The following PCDHGA2 variants were observed in gnomAD, a reference collection of about 807,000 sequenced individuals.
The protein encoded by PCDHGA2 is protocadherin gamma-A2.
Under a neutral mutation model 59.2 loss-of-function variants are expected in PCDHGA2, and 40 were observed. The ratio of observed to expected loss-of-function variants is 0.68; its 90% CI spans 0.52 to 0.88. PCDHGA2 has a LOEUF of 0.88. Ranked by LOEUF, PCDHGA2 falls within the 40% of genes least tolerant of loss-of-function variation. PCDHGA2 has a pLI of 0.00. For synonymous variants in PCDHGA2, 560 were observed against 526.0 expected (o/e 1.06, Z -0.89); for missense variants, 1,226 against 1,204.0 (o/e 1.02, Z -0.27).
intron 1 of PCDHGA2, chr5:141,376,339 C>G: frequency 6.2e-7 from 1 of 1,614,192 alleles, no homozygotes; most frequent in Non-Finnish European, 8.5e-7. Flanking sequence ...TCCTGCAGAC[C>G]TATTCCCACG....
rs11575954 is a variant in PCDHGA2 at position 141,376,006 on chromosome 5, C to T, written c.2424+34611C>T. The T allele has an allele frequency of 4.7e-3, 7,621 of 1,612,710 alleles. 42 individuals are homozygous for T. Among genetic ancestry groups the T allele is most frequent in the Admixed American group, 8.7e-3 (524 of 59,936 alleles). On this transcript the variant is annotated intron_variant, in intron 1 of 3. Transcript: ENST00000394576. ...TGGACAGAGACGCGCTCAAGCAGAG[C>T]CTAGTGGTGGCCGTCCAGGACCACG...
intron 1 of PCDHGA2, among the ~76,000 whole-genome samples, chr5:141,381,379 A>G (rs1777152339): frequency 6.6e-6 from 1 of 152,224 alleles, no homozygotes; most frequent in Non-Finnish European, 1.5e-5. Flanking sequence ...GGATCCATCA[A>G]TAATTTAGTT....
In PCDHGA2 at chr5:141,352,205, C is replaced by T. The variant is rs745707579; in HGVS notation, c.2424+10810C>T. On this transcript the variant is annotated intron_variant, in intron 1 of 3. Coordinates refer to ENST00000394576, the MANE Select transcript of PCDHGA2 (RefSeq NM_018915.4). ...CGCTGTGCGTGATGGAGGACAGCCG[C>T]CACTCTCCGCCACCGCCACGCTGCA... The T allele has an allele frequency of 1.9e-6, 3 of 1,614,044 alleles. No homozygotes were observed. The South Asian group carries it at 3.3e-5, about 18-fold the overall frequency.
At chr5:141,429,770 A>T (rs2097244120) in intron 1 of PCDHGA2, among the ~76,000 whole-genome samples, 1 of 152,122 alleles carries the variant, frequency 6.6e-6, no homozygotes, top group Admixed American at 6.6e-5. Context: ...CTATATTTTG[A>T]TGGGCTTCCA....
chr5:141,351,809 G>A, intron 1 of PCDHGA2: 1 of 1,613,290 alleles, frequency 6.2e-7, no homozygotes, highest in Non-Finnish European at 8.5e-7. Flanking sequence ...GCGCGCCTTC[G>A]ACCACGAGCA....
At chr5:141,430,448 G>T in intron 1 of PCDHGA2, 1 of 192,294 alleles carries the variant, frequency 5.2e-6, no homozygotes. Flanking sequence ...ATCCCCTTTT[G>T]AAGAACAGTA....
chr5:141,358,540 G>C (rs191289773), intron 1 of PCDHGA2, among the ~76,000 whole-genome samples: 1 of 152,152 alleles, frequency 6.6e-6, no homozygotes, highest in Admixed American at 6.5e-5. Context: ...ATATTTTCTT[G>C]TTGCTGTTCT....
intron 1 of PCDHGA2, chr5:141,372,469 T>C (rs772203261): frequency 6.2e-7 from 1 of 1,614,020 alleles, no homozygotes; most frequent in Non-Finnish European, 8.5e-7. Context: ...CAGTTTCACC[T>C]AGTAGTGGCG....
rs745435492 is a variant in PCDHGA2, at chr5:141,489,215, A to G, written c.2425-5592A>G. The G allele has an allele frequency of 4.1e-6, 6 of 1,475,362 alleles. No homozygotes were observed. Among genetic ancestry groups the G allele is most frequent in the Non-Finnish European group, 5.5e-6 (6 of 1,093,140 alleles). 91.4% of individuals were successfully genotyped at this position (1,475,362 alleles called of 1,614,324 possible). A position where few individuals can be genotyped will look rare whatever the true frequency, so the allele number is the denominator to read the frequency against. ...CTTGGAGACAGGACAGCACAGACTT[A>G]CTCTCCACAAAGGGACTTCTGGGTC... On this transcript the variant is annotated intron_variant, in intron 1 of 3. Coordinates refer to ENST00000394576, the MANE Select transcript of PCDHGA2 (RefSeq NM_018915.4). The surrounding 1 kb of genome is among the most constrained non-coding windows in gnomAD (Gnocchi z 4.5).
rs1360364370 is a variant in PCDHGA2, at chr5:141,491,814, G to A, written c.2425-2993G>A. 1 of 1,486,114 alleles carries A rather than the reference G, an allele frequency of 6.7e-7. No individual in the cohort carries two copies. The allele number at this position is 1,486,114 out of a possible 1,614,324, so 92.1% of individuals were successfully genotyped here. On this transcript the variant is annotated intron_variant, in intron 1 of 3. Transcript: ENST00000394576. This position sits in a 1 kb window ranked among gnomAD's most constrained non-coding sequence, Gnocchi z 6.9. ...TCCTCTCCGGCCGGCTTGGTCGCTGGCTGCGCTCCACCCGATTCTCGGGAT... is the reference window on the plus strand; with the variant it reads ...TCCTCTCCGGCCGGCTTGGTCGCTGACTGCGCTCCACCCGATTCTCGGGAT...
At chr5:141,427,923 C>T (rs2097089935) in intron 1 of PCDHGA2, 3 of 1,580,656 alleles carry the variant, frequency 1.9e-6, no homozygotes, top group African/African-American at 1.3e-5. Context: ...CATGAGCCGG[C>T]GCATGTTGGT....
rs935078369 is a variant in PCDHGA2 at position 141,351,524 on chromosome 5, G to A, written c.2424+10129G>A. 9.9e-6 allele frequency: 16 copies of A among 1,613,998 alleles called. No homozygotes were observed. The South Asian group carries it at 1.2e-4, about 12-fold the overall frequency. Reference sequence around the variant, plus strand: ...CTACAACGTCACAATCATAGCCACCGACAAGGGCAAACCAGCCCTTTCCTC... The same window carrying A: ...CTACAACGTCACAATCATAGCCACCAACAAGGGCAAACCAGCCCTTTCCTC... On this transcript the variant is annotated intron_variant, in intron 1 of 3. Coordinates refer to ENST00000394576, the MANE Select transcript of PCDHGA2 (RefSeq NM_018915.4).
chr5:141,480,730 G>A (rs1261461187), intron 1 of PCDHGA2, among the ~76,000 whole-genome samples: 1 of 152,168 alleles, frequency 6.6e-6, no homozygotes, highest in East Asian at 1.9e-4. Flanking sequence ...GTCTCTGGGG[G>A]TGGGACATAG....
rs1329649336 is a variant in PCDHGA2, at chr5:141,477,589, GCTTT to G, written c.2425-17207_2425-17204del. 2 of 1,614,130 alleles carry G rather than the reference GCTTT, an allele frequency of 1.2e-6. No homozygotes were observed. Among genetic ancestry groups the G allele is most frequent in the South Asian group, 1.1e-5 (1 of 91,086 alleles). ...ACCCCGACGCCCCGCAGAATGCTCGGCTTTCTTTCTTTCTCTTGGAGCAAGGAGC... is the reference window on the plus strand; with the variant it reads ...ACCCCGACGCCCCGCAGAATGCTCGGCTTTCTTTCTCTTGGAGCAAGGAGC... On this transcript the variant is annotated intron_variant, in intron 1 of 3. Coordinates refer to ENST00000394576, the MANE Select transcript of PCDHGA2 (RefSeq NM_018915.4). The surrounding 1 kb of genome is among the most constrained non-coding windows in gnomAD (Gnocchi z 4.9).
At chr5:141,478,765 C>T in intron 1 of PCDHGA2, 1 of 1,508,614 alleles carries the variant, frequency 6.6e-7, no homozygotes, top group Non-Finnish European at 8.9e-7. Context: ...AGATACTTGA[C>T]TCATCTGTGG....
At chr5:141,350,411 G>T (rs757842052) in intron 1 of PCDHGA2, 2 of 1,605,198 alleles carry the variant, frequency 1.2e-6, no homozygotes, top group East Asian at 2.2e-5. Flanking sequence ...ACTTGCCAAG[G>T]ATCTGGGGCT....
chr5:141,343,498 G>A (rs1757290408), intron 1 of PCDHGA2: 2 of 505,786 alleles, frequency 4.0e-6, no homozygotes, highest in Non-Finnish European at 5.1e-6. Flanking sequence ...TTTAATAGTT[G>A]TGTTGGTCCT....
At position 141,492,010 on chromosome 5, in the gene PCDHGA2, G is replaced by A. The variant is rs2099736138; in HGVS notation, c.2425-2797G>A. 2 of 617,370 alleles carry A rather than the reference G, an allele frequency of 3.2e-6. 1 individual carries two copies. Among genetic ancestry groups the A allele is most frequent in the Middle Eastern group, 8.7e-4 (2 of 2,312 alleles). The allele number at this position is 617,370 out of a possible 1,614,324, so 38.2% of individuals were successfully genotyped here. On this transcript the variant is annotated intron_variant, in intron 1 of 3. Transcript: ENST00000394576. Reference sequence around the variant, plus strand: ...GGTGAATTTCGGGCGATTTCCGCGGGTGTCGGGGGTCCCGGGAGGAGGCAG... The same window carrying A: ...GGTGAATTTCGGGCGATTTCCGCGGATGTCGGGGGTCCCGGGAGGAGGCAG...
At chr5:141,420,101 T>C (rs1160215468) in intron 1 of PCDHGA2, 1 of 1,613,928 alleles carries the variant, frequency 6.2e-7, no homozygotes, top group Non-Finnish European at 8.5e-7. Flanking sequence ...TGAGGGAACG[T>C]TGCCCTATGC....
Sources: gnomAD v4.1 joint callset for allele counts (sites outside exome capture counted in the v4.1 genomes callset) on GRCh38, gnomAD v4.1.1 for gene constraint, Gnocchi (gnomAD v3.1) non-coding constraint, MANE v1.5 for transcripts, NCBI Gene and HGNC (gene_info 2026-07-23, HGNC 2026-07-21) for gene names.